The following KIFAP3 variants were observed in gnomAD, a reference collection of about 807,000 sequenced individuals.
The protein encoded by KIFAP3 is kinesin-associated protein 3.
In KIFAP3, 68 loss-of-function variants were observed where a neutral mutation model predicts 106.5. That is an observed-to-expected ratio of 0.64 (90% CI 0.53 to 0.78). KIFAP3 has a LOEUF of 0.78. Among genes scored for constraint, KIFAP3 ranks in the 30% least tolerant of loss-of-function variants. The pLI, the probability that KIFAP3 is intolerant of heterozygous loss-of-function variation, is 0.00. For missense variants in KIFAP3, 780 were observed against 941.8 expected, an observed-to-expected ratio of 0.83 and a Z score of 2.25; for synonymous variants, 320 against 311.5, an observed-to-expected ratio of 1.03 and a Z score of -0.29.
chr1:170,006,917 T>C (rs1357627183), intron 10 of KIFAP3, among the ~76,000 whole-genome samples: 1 of 152,108 alleles, frequency 6.6e-6, no homozygotes, highest in Non-Finnish European at 1.5e-5. Flanking sequence ...TAAGCATAGA[T>C]AAAGTCCAAG....
intron 17 of KIFAP3, among the ~76,000 whole-genome samples, chr1:169,966,057 A>G (rs1314125282): frequency 6.6e-6 from 1 of 151,972 alleles, no homozygotes; most frequent in Non-Finnish European, 1.5e-5. Context: ...AAAGTATGGT[A>G]GCAATGATAC....
chr1:170,021,153 A>C (rs1002313362), intron 9 of KIFAP3, among the ~76,000 whole-genome samples: 4 of 152,180 alleles, frequency 2.6e-5, no homozygotes, highest in African/African-American at 9.7e-5. Flanking sequence ...CAAACTACGC[A>C]ACATATATCC....
At chr1:170,041,059 G>A (rs370044142) in intron 3 of KIFAP3, among the ~76,000 whole-genome samples, 14 of 151,958 alleles carry the variant, frequency 9.2e-5, no homozygotes, top group Non-Finnish European at 1.6e-4. Context: ...TCTTGACCTC[G>A]TGATCCGCCC....
intron 1 of KIFAP3, 94 bp from the exon 2 acceptor site, chr1:170,055,530 T>A: frequency 1.1e-6 from 1 of 908,818 alleles, no homozygotes; most frequent in Non-Finnish European, 1.6e-6. Context: ...TGGGTTGGAT[T>A]AACATGTGCA....
chr1:170,002,442 TGAAACAGG>T (rs1667712158), intron 10 of KIFAP3, among the ~76,000 whole-genome samples: 1 of 152,174 alleles, frequency 6.6e-6, no homozygotes, highest in African/African-American at 2.4e-5. Flanking sequence ...CATAAAATTG[TGAAACAGG>T]CCTGATGTGC....
In KIFAP3 at chr1:170,063,205, C is replaced by T. The variant is rs72715940; in HGVS notation, c.33-7769G>A. Among the ~76,000 whole-genome samples, 352 of 152,322 alleles carry T rather than the reference C, an allele frequency of 2.3e-3. 1 individual carries two copies. Among genetic ancestry groups the T allele is most frequent in the Non-Finnish European group, 3.6e-3 (244 of 68,026 alleles). On this transcript the variant is annotated intron_variant, in intron 1 of 19. Transcript: ENST00000361580. ...TTTGCCTTTCTATAATAATCTACTG[C>T]TCCAGAGGTCACAAGATTTGTATCT...
At chr1:169,927,411 A>G (rs1663203644) in intron 19 of KIFAP3, among the ~76,000 whole-genome samples, 1 of 152,238 alleles carries the variant, frequency 6.6e-6, no homozygotes, top group Non-Finnish European at 1.5e-5. Flanking sequence ...AATATTTAAT[A>G]TAAGAGTATA....
chr1:170,024,582 G>A lies in KIFAP3; in HGVS notation c.856C>T (p.Leu286Phe). 1.3e-6 allele frequency: 2 copies of A among 1,550,262 alleles called. No individual in the cohort carries two copies. Among genetic ancestry groups the A allele is most frequent in the South Asian group, 2.5e-5 (2 of 79,186 alleles). The change falls in exon 9 of 20, where the codon CTT (leucine) becomes TTT (phenylalanine). Residue 286 changes from leucine to phenylalanine, a missense_variant. This residue lies in a region of KIFAP3 where 588 missense variants were observed against 678.9 expected (regional missense o/e 0.87). Coordinates refer to ENST00000361580, the MANE Select transcript of KIFAP3 (RefSeq NM_014970.4). ...EQLLRVALYLLLNLAEDTRTE... is the reference protein window; with the variant it reads ...EQLLRVALYLFLNLAEDTRTE... ...CGAGTATCCTCAGCAAGATTCAGAA[G>A]CAAATAAAGAGCAACTAGAAAAGTA...
upstream of KIFAP3, among the ~76,000 whole-genome samples, chr1:170,076,763 A>G (rs963148172): frequency 6.6e-6 from 1 of 152,244 alleles, no homozygotes; most frequent in Non-Finnish European, 1.5e-5. Flanking sequence ...ACCAATAAAC[A>G]ATGGATTCAA....
intron 19 of KIFAP3, among the ~76,000 whole-genome samples, chr1:169,923,860 G>A (rs969947717): frequency 2.6e-5 from 4 of 152,184 alleles, no homozygotes; most frequent in Non-Finnish European, 5.9e-5. Context: ...AGGCAATTGC[G>A]TGGTGATCTG....
intron 10 of KIFAP3, among the ~76,000 whole-genome samples, chr1:170,003,873 G>C (rs1283673203): frequency 2.6e-5 from 4 of 152,226 alleles, no homozygotes; most frequent in South Asian, 4.1e-4. Flanking sequence ...AATCAGGCAG[G>C]AGAAGGAAAT....
chr1:170,074,537 G>T lies in KIFAP3; in HGVS notation c.-70C>A. ...GCAGGCGCGGTTATTTCCGGGGACGGTGGCCAAAGTACCCTCACACCCAGA... is the reference window on the plus strand; with the variant it reads ...GCAGGCGCGGTTATTTCCGGGGACGTTGGCCAAAGTACCCTCACACCCAGA... On this transcript the variant is annotated 5_prime_UTR_variant, in exon 1 of 20. Transcript: ENST00000361580. 1.9e-6 allele frequency: 3 copies of T among 1,608,228 alleles called. No individual in the cohort carries two copies. Among genetic ancestry groups the T allele is most frequent in the Non-Finnish European group, 1.7e-6 (2 of 1,177,524 alleles).
intron 16 of KIFAP3, among the ~76,000 whole-genome samples, chr1:169,976,099 A>AC (rs759651457): frequency 6.6e-6 from 1 of 152,128 alleles, no homozygotes; most frequent in Non-Finnish European, 1.5e-5. Flanking sequence ...ACATCCCAAA[A>AC]CAGAGGCAGT....
In KIFAP3 at chr1:170,021,741, G is replaced by A. The variant is rs538518101; in HGVS notation, c.1020+2677C>T. Among the ~76,000 whole-genome samples the A allele has an allele frequency of 9.2e-5, 14 of 151,504 alleles. No homozygotes were observed. In the East Asian group the frequency reaches 2.3e-3, roughly 25 times the overall value. ...AGATGTGAGCCACCACACCCAGCCC[G>A]TTATTAATTTGTATTTCTATTGCAC... On this transcript the variant is annotated intron_variant, in intron 9 of 19. Transcript: ENST00000361580.
At chr1:169,928,699 C>CAAAAAAAAAAAAAAAAAA (rs10690029) in intron 19 of KIFAP3, among the ~76,000 whole-genome samples, 5 of 37,780 alleles carry the variant, frequency 1.3e-4, no homozygotes, top group African/African-American at 4.1e-4. Context: ...ACCCTGTCTC[C>CAAAAAAAAAAAAAAAAAA]AAAAAAAAAA....
intron 3 of KIFAP3, among the ~76,000 whole-genome samples, chr1:170,039,501 ATAAC>A (rs1325020573): frequency 6.6e-6 from 1 of 152,192 alleles, no homozygotes; most frequent in Non-Finnish European, 1.5e-5. Flanking sequence ...AATAAAATCT[ATAAC>A]TAATCACCAA....
Position 169,966,808 on chromosome 1 carries a change from T to C in KIFAP3, c.1984-5573A>G, listed in dbSNP as rs181787147. ...TTGGACTTGTGCCATAAAAGTTTGC[T>C]CTAGTTTGTGATAATGTTGCCTCAG... On this transcript the variant is annotated intron_variant, in intron 17 of 19. Coordinates refer to ENST00000361580, the MANE Select transcript of KIFAP3 (RefSeq NM_014970.4). Among the ~76,000 whole-genome samples the C allele has an allele frequency of 8.6e-5, 13 of 151,900 alleles. No individual in the cohort carries two copies. In the East Asian group the frequency reaches 2.5e-3, roughly 29 times the overall value.
chr1:170,021,434 GTTTTTTTTTTTT>G (rs746455008), intron 9 of KIFAP3, among the ~76,000 whole-genome samples: 1 of 113,788 alleles, frequency 8.8e-6, no homozygotes, highest in African/African-American at 3.4e-5. Context: ...TTGTTATTAA[GTTTTTTTTTTTT>G]TTTTTTTTTT....
intron 10 of KIFAP3, among the ~76,000 whole-genome samples, chr1:170,008,563 C>T (rs1668088148): frequency 6.6e-6 from 1 of 152,124 alleles, no homozygotes; most frequent in African/African-American, 2.4e-5. Context: ...ATCAAAACCA[C>T]AATGAGATAT....
Sources: gnomAD v4.1 joint callset for allele counts (sites outside exome capture counted in the v4.1 genomes callset) on GRCh38, gnomAD v4.1.1 for gene constraint, gnomAD v4.1.1 regional missense constraint, MANE v1.5 for transcripts, NCBI Gene and HGNC (gene_info 2026-07-23, HGNC 2026-07-21) for gene names.